The following CSMD3 variants were observed in gnomAD, a reference collection of about 807,000 sequenced individuals.
The protein encoded by CSMD3 is CUB and sushi domain-containing protein 3.
Under a neutral mutation model 435.2 loss-of-function variants are expected in CSMD3, and 177 were observed. That is an observed-to-expected ratio of 0.41 (90% CI 0.36 to 0.46). The LOEUF (loss-of-function observed/expected upper bound fraction) is 0.46, where lower values mean the gene tolerates loss of function less well. CSMD3 is among the 20% of genes least tolerant of loss of function. CSMD3 has a pLI of 0.34. For missense variants in CSMD3, 4,265 were observed against 4,504.6 expected, an observed-to-expected ratio of 0.95 and a Z score of 1.52; for synonymous variants, 1,656 against 1,520.5, an observed-to-expected ratio of 1.09 and a Z score of -2.07.
intron 32 of CSMD3, among the ~76,000 whole-genome samples, chr8:112,471,789 A>G (rs1818552085): frequency 1.3e-5 from 2 of 152,166 alleles, no homozygotes; most frequent in Non-Finnish European, 2.9e-5. Flanking sequence ...CATTCCTCAT[A>G]GTTATAACAA....
At chr8:113,434,910 C>A (rs770872310) in intron 1 of CSMD3, among the ~76,000 whole-genome samples, 20 of 152,140 alleles carry the variant, frequency 1.3e-4, no homozygotes, top group Non-Finnish European at 2.5e-4. Flanking sequence ...TGTTTTGGCT[C>A]AACAGGTATC....
intron 32 of CSMD3, among the ~76,000 whole-genome samples, chr8:112,460,671 T>G (rs547136569): frequency 2.0e-5 from 3 of 152,112 alleles, no homozygotes; most frequent in Non-Finnish European, 2.9e-5. Flanking sequence ...ATAAATATTA[T>G]AGAAGATTGA....
chr8:112,875,145 T>C (rs1245898997), intron 10 of CSMD3, among the ~76,000 whole-genome samples: 1 of 152,184 alleles, frequency 6.6e-6, no homozygotes, highest in East Asian at 1.9e-4. Flanking sequence ...TTTCCTTGTC[T>C]ATAAATGATT....
chr8:112,782,993 T>A (rs1170527957), intron 13 of CSMD3, among the ~76,000 whole-genome samples: 1 of 151,996 alleles, frequency 6.6e-6, no homozygotes, highest in Non-Finnish European at 1.5e-5. Context: ...GATAAGCATT[T>A]ATATAAAGGT....
At chr8:112,328,420 G>C (rs1403922676) in intron 45 of CSMD3, among the ~76,000 whole-genome samples, 1 of 152,148 alleles carries the variant, frequency 6.6e-6, no homozygotes, top group East Asian at 1.9e-4. Flanking sequence ...GTGTGTTCCA[G>C]CAGGGTTTAA....
chr8:112,772,613 G>T (rs2078148258), intron 13 of CSMD3, among the ~76,000 whole-genome samples: 1 of 152,036 alleles, frequency 6.6e-6, no homozygotes, highest in East Asian at 1.9e-4. Flanking sequence ...GTGCTGAGGA[G>T]GATTAGTAAA....
intron 32 of CSMD3, among the ~76,000 whole-genome samples, chr8:112,424,652 A>C (rs902133243): frequency 6.6e-6 from 1 of 151,996 alleles, no homozygotes; most frequent in African/African-American, 2.4e-5. Flanking sequence ...TCTTCTTTTC[A>C]TGTTCCCATT....
In CSMD3 at chr8:112,956,933, T is replaced by A. The variant is rs546579627; in HGVS notation, c.1343-2172A>T. ...CAGAAGATGAAAGGTCAGGAGAATA[T>A]CCATTTTTGGACATGACAAAGTGTG... On this transcript the variant is annotated intron_variant, in intron 7 of 70. Transcript: ENST00000297405. Among the ~76,000 whole-genome samples, 232 of 152,236 alleles carry A rather than the reference T, an allele frequency of 1.5e-3. 2 individuals carry two copies. The highest frequency in any genetic ancestry group is 2.1e-3 in the Non-Finnish European group (145 of 67,984).
Position 112,970,730 on chromosome 8 carries a change from T to TTTTC in CSMD3, c.1342+5106_1342+5107insGAAA, listed in dbSNP as rs1564162519. Among the ~76,000 whole-genome samples the TTTTC allele has an allele frequency of 6.6e-3, 1,004 of 151,542 alleles. 10 individuals carry two copies. The highest frequency in any genetic ancestry group is 0.023 in the African/African-American group (962 of 41,418). ...AATTCAGCTTGCTTTCTTTTCTTTT[T>TTTTC]TTTTTTTTTTATATGGAGCCTCTCT... On this transcript the variant is annotated intron_variant, in intron 7 of 70. Transcript: ENST00000297405.
chr8:112,270,343 AGTGT>A (rs10577337), intron 59 of CSMD3, among the ~76,000 whole-genome samples: 22,061 of 123,890 alleles, frequency 0.18, 2,176 homozygotes, highest in Non-Finnish European at 0.25. Flanking sequence ...CAGAGGGGTG[AGTGT>A]GTGTGTGTGT....
At chr8:113,188,644 A>T (rs1361382609) in intron 3 of CSMD3, among the ~76,000 whole-genome samples, 1 of 151,964 alleles carries the variant, frequency 6.6e-6, no homozygotes, top group Non-Finnish European at 1.5e-5. Context: ...AGAAAATTAA[A>T]AACAAGTAGA....
chr8:112,752,927 G>A (rs2077606827), intron 13 of CSMD3, among the ~76,000 whole-genome samples: 1 of 151,172 alleles, frequency 6.6e-6, no homozygotes, highest in African/African-American at 2.4e-5. Context: ...GTGTGTGTGT[G>A]TGTGTGTGTG....
At chr8:112,316,764 C>T (rs1004439897) in intron 47 of CSMD3, among the ~76,000 whole-genome samples, 1 of 151,822 alleles carries the variant, frequency 6.6e-6, no homozygotes, top group African/African-American at 2.4e-5. Flanking sequence ...TGTTTTTAAA[C>T]CAGAAAATGT....
At chr8:113,358,784 G>A (rs1277017260) in intron 1 of CSMD3, among the ~76,000 whole-genome samples, 1 of 151,796 alleles carries the variant, frequency 6.6e-6, no homozygotes, top group Non-Finnish European at 1.5e-5. Flanking sequence ...CTCTGGGATG[G>A]TCGTGGATGG....
chr8:113,179,528 T>C (rs1402059556), intron 3 of CSMD3, among the ~76,000 whole-genome samples: 1 of 151,642 alleles, frequency 6.6e-6, no homozygotes, highest in Non-Finnish European at 1.5e-5. Flanking sequence ...CAGCAGAAAA[T>C]TTGTATAAAC....
Position 113,339,201 on chromosome 8 carries a change from C to A in CSMD3, c.179-24408G>T, listed in dbSNP as rs186763859. ...TAATGAATACTATGTGTTATATTCC[C>A]TTTCTCTTCCTCCGCCTCATAGTTA... is the stretch of plus-strand genomic sequence containing the variant. On this transcript the variant is annotated intron_variant, in intron 1 of 70. Coordinates refer to ENST00000297405, the MANE Select transcript of CSMD3 (RefSeq NM_198123.2). Among the ~76,000 whole-genome samples, 727 of 151,936 alleles carry A rather than the reference C, an allele frequency of 4.8e-3. 12 individuals are homozygous for A. The highest frequency in any genetic ancestry group is 0.021 in the East Asian group (107 of 5,166).
At chr8:113,405,301 A>G (rs1181624217) in intron 1 of CSMD3, among the ~76,000 whole-genome samples, 1 of 151,550 alleles carries the variant, frequency 6.6e-6, no homozygotes, top group East Asian at 1.9e-4. Context: ...ACTAGATTTG[A>G]ATGACATCTC....
intron 17 of CSMD3, among the ~76,000 whole-genome samples, chr8:112,660,268 C>A (rs4323500): frequency 0.16 from 24,941 of 151,896 alleles, 2,153 homozygotes; most frequent in Middle Eastern, 0.37. Context: ...AATAAAGCAC[C>A]AAGACATTAT....
intron 38 of CSMD3, among the ~76,000 whole-genome samples, chr8:112,370,078 G>GAAC (rs1233650773): frequency 2.6e-5 from 4 of 151,252 alleles, no homozygotes; most frequent in African/African-American, 9.7e-5. Context: ...AGAAGAAGAA[G>GAAC]AAGAAGTAGT....
Sources: gnomAD v4.1 joint callset for allele counts (sites outside exome capture counted in the v4.1 genomes callset) on GRCh38, gnomAD v4.1.1 for gene constraint, MANE v1.5 for transcripts, NCBI Gene and HGNC (gene_info 2026-07-23, HGNC 2026-07-21) for gene names.